Variants in IGF1R observed in about 807,000 individuals in gnomAD.
IGF1R encodes insulin-like growth factor 1 receptor.
Under a neutral mutation model 144.6 loss-of-function variants are expected in IGF1R, and 44 were observed. That is an observed-to-expected ratio of 0.30 (90% CI 0.24 to 0.39). IGF1R has a LOEUF of 0.39. Among genes scored for constraint, IGF1R ranks in the 10% least tolerant of loss-of-function variants. The pLI, the probability that IGF1R is intolerant of heterozygous loss-of-function variation, is 1.00. For synonymous variants in IGF1R, 795 were observed against 722.8 expected (o/e 1.10, Z -1.60); for missense variants, 1,355 against 1,833.7 (o/e 0.74, Z 4.77).
chr15:98,818,656 ATAAT>A (rs778811387), intron 2 of IGF1R, among the ~76,000 whole-genome samples: 2 of 151,922 alleles, frequency 1.3e-5, no homozygotes, highest in East Asian at 1.9e-4. Flanking sequence ...TTTGGGTGAG[ATAAT>A]TAGTTGTGGG....
In IGF1R at chr15:98,960,217, T is replaced by A. The variant is rs917163213; in HGVS notation, c.*2775T>A. On this transcript the variant is annotated 3_prime_UTR_variant, in exon 21 of 21. Transcript: ENST00000650285. Reference sequence around the variant, plus strand: ...GGGGAAGCCAGGCTGTATTCCGGGGTCAAAGCAACACTAACTCACCTCTCT... The same window carrying A: ...GGGGAAGCCAGGCTGTATTCCGGGGACAAAGCAACACTAACTCACCTCTCT... The A allele has an allele frequency of 4.3e-6, 1 of 233,438 alleles. No homozygotes were observed. The highest frequency in any genetic ancestry group is 6.0e-5 in the East Asian group (1 of 16,598). 14.5% of individuals were successfully genotyped at this position (233,438 alleles called of 1,614,324 possible). A position where few individuals can be genotyped will look rare whatever the true frequency, so the allele number is the denominator to read the frequency against.
chr15:98,656,930 A>C (rs2052499646), intron 1 of IGF1R, among the ~76,000 whole-genome samples: 1 of 152,240 alleles, frequency 6.6e-6, no homozygotes, highest in Non-Finnish European at 1.5e-5. Flanking sequence ...ATTATTTGTC[A>C]GTTTAAAAAT....
intron 2 of IGF1R, among the ~76,000 whole-genome samples, chr15:98,861,788 G>A (rs747530451): frequency 3.9e-5 from 6 of 152,188 alleles, no homozygotes; most frequent in Non-Finnish European, 7.4e-5. Flanking sequence ...TCCATGGTAC[G>A]CTCACTCCTT....
intron 2 of IGF1R, among the ~76,000 whole-genome samples, chr15:98,770,441 A>G (rs1403335288): frequency 3.3e-5 from 5 of 152,204 alleles, no homozygotes; most frequent in Non-Finnish European, 7.3e-5. Flanking sequence ...TTTACTGTAT[A>G]TTTCCAAATA....
At chr15:98,933,653 C>G (rs2016028659) in intron 15 of IGF1R, among the ~76,000 whole-genome samples, 2 of 152,220 alleles carry the variant, frequency 1.3e-5, no homozygotes, top group South Asian at 4.1e-4. Context: ...CAGATCGAAT[C>G]TAAACAGAAA....
At chr15:98,782,964 TC>T (rs1331556516) in intron 2 of IGF1R, among the ~76,000 whole-genome samples, 2 of 152,224 alleles carry the variant, frequency 1.3e-5, no homozygotes, top group Non-Finnish European at 2.9e-5. Flanking sequence ...AGCTGTGACT[TC>T]CTGATGAAGT....
intron 2 of IGF1R, among the ~76,000 whole-genome samples, chr15:98,816,124 C>T (rs148852768): frequency 2.8e-3 from 426 of 152,278 alleles, no homozygotes; most frequent in African/African-American, 9.5e-3. Context: ...TACTTCACCT[C>T]TTCTCTCGAA....
intron 2 of IGF1R, among the ~76,000 whole-genome samples, chr15:98,770,710 CG>C (rs2055563841): frequency 6.6e-6 from 1 of 152,058 alleles, no homozygotes; most frequent in South Asian, 2.1e-4. Flanking sequence ...GTAAGTTGGC[CG>C]TTAGCTGTCA....
At chr15:98,836,040 A>G (rs1487326536) in intron 2 of IGF1R, among the ~76,000 whole-genome samples, 1 of 152,198 alleles carries the variant, frequency 6.6e-6, no homozygotes, top group African/African-American at 2.4e-5. Context: ...CTCTCCATTC[A>G]GTTAGAATCT....
intron 1 of IGF1R, among the ~76,000 whole-genome samples, chr15:98,700,682 C>T (rs960920115): frequency 1.3e-5 from 2 of 152,136 alleles, no homozygotes; most frequent in Non-Finnish European, 2.9e-5. Flanking sequence ...GTTCTCCCCG[C>T]CACACGGGCT....
intron 2 of IGF1R, among the ~76,000 whole-genome samples, chr15:98,737,392 C>T (rs1186319279): frequency 1.3e-5 from 2 of 152,112 alleles, no homozygotes; most frequent in Non-Finnish European, 2.9e-5. Flanking sequence ...GATTTGGAAC[C>T]CTTGCGTTTG....
At chr15:98,854,297 C>G (rs1278851025) in intron 2 of IGF1R, among the ~76,000 whole-genome samples, 1 of 152,178 alleles carries the variant, frequency 6.6e-6, no homozygotes, top group Non-Finnish European at 1.5e-5. Context: ...CTCTCCCTTA[C>G]TCATCTGGGC....
At chr15:98,659,954 C>T (rs1008490481) in intron 1 of IGF1R, among the ~76,000 whole-genome samples, 3 of 152,156 alleles carry the variant, frequency 2.0e-5, no homozygotes, top group Non-Finnish European at 4.4e-5. Flanking sequence ...TGTTAGGTCC[C>T]ACACCGTCTA....
chr15:98,648,646 C>A lies in IGF1R; in HGVS notation c.-936C>A, dbSNP rs2052250234. Among the ~76,000 whole-genome samples, 1 of 146,878 alleles carries A rather than the reference C, an allele frequency of 6.8e-6. No homozygotes were observed. The highest frequency in any genetic ancestry group is 6.7e-5 in the Admixed American group (1 of 14,834). On this transcript the variant is annotated 5_prime_UTR_variant, in exon 1 of 21. Transcript: ENST00000650285. The stretch of plus-strand genomic sequence containing the variant: ...GGGAAAAAACCCGAGGAGGAGCGAG[C>A]GCACCAGGCGAACTCGAGAGAGGCG...
chr15:98,707,668 C>G lies in IGF1R; in HGVS notation c.201C>G (p.Ala67=), dbSNP rs45468203. ...GYLHILLISK[A]EDYRSYRFPK... ...TCCACATCCTGCTCATCTCCAAGGC[C>G]GAGGACTACCGCAGCTACCGCTTCC... Residue 67 remains alanine, a synonymous_variant, in exon 2 of 21, where the codon GCC becomes GCG. Transcript: ENST00000650285. The surrounding 1 kb of genome is among the most constrained non-coding windows in gnomAD (Gnocchi z 6.7). 6 of 1,613,984 alleles carry G rather than the reference C, an allele frequency of 3.7e-6. No homozygotes were observed. The highest frequency in any genetic ancestry group is 4.2e-6 in the Non-Finnish European group (5 of 1,180,030).
chr15:98,783,958 ATTTTTTTTTTTTTTTTTTT>A lies in IGF1R; in HGVS notation c.640+75867_640+75885del, dbSNP rs71149420. Among the ~76,000 whole-genome samples the A allele has an allele frequency of 1.6e-4, 9 of 54,742 alleles. 1 individual carries two copies. The highest frequency in any genetic ancestry group is 6.3e-4 in the African/African-American group (8 of 12,636). 35.9% of individuals were successfully genotyped at this position (54,742 alleles called of 152,430 possible). On this transcript the variant is annotated intron_variant, in intron 2 of 20. Coordinates refer to ENST00000650285, the MANE Select transcript of IGF1R (RefSeq NM_000875.5). ...TATTGCAAATACTATGGCATCTGAA[ATTTTTTTTTTTTTTTTTTT>A]TTTTTTTTTTTTTTTGAGATGGAGT...
chr15:98,711,106 C>T (rs2053981469), intron 2 of IGF1R, among the ~76,000 whole-genome samples: 1 of 152,182 alleles, frequency 6.6e-6, no homozygotes, highest in Non-Finnish European at 1.5e-5. Flanking sequence ...GCTGAGTCGT[C>T]ACTGCAGCGC....
At chr15:98,827,589 A>C (rs1434648818) in intron 2 of IGF1R, among the ~76,000 whole-genome samples, 1 of 152,232 alleles carries the variant, frequency 6.6e-6, no homozygotes, top group Non-Finnish European at 1.5e-5. Flanking sequence ...ACTCTCACTT[A>C]GCTGATTAAA....
At chr15:98,859,411 G>C (rs952087181) in intron 2 of IGF1R, among the ~76,000 whole-genome samples, 1 of 152,164 alleles carries the variant, frequency 6.6e-6, no homozygotes, top group Non-Finnish European at 1.5e-5. Context: ...CTTTTCCTTT[G>C]CACTACTGCA....
Sources: gnomAD v4.1 joint callset for allele counts (sites outside exome capture counted in the v4.1 genomes callset) on GRCh38, gnomAD v4.1.1 for gene constraint, Gnocchi (gnomAD v3.1) non-coding constraint, MANE v1.5 for transcripts, NCBI Gene and HGNC (gene_info 2026-07-23, HGNC 2026-07-21) for gene names.